MUCL1: variants seen among roughly 807,000 people sequenced by gnomAD.
MUCL1 encodes mucin-like protein 1.
MUCL1 carries 11 observed loss-of-function variants against 9.2 expected under a neutral mutation model. The ratio of observed to expected loss-of-function variants is 1.19; its 90% CI spans 0.75 to 1.97. The LOEUF (loss-of-function observed/expected upper bound fraction) is 1.97, where lower values mean the gene tolerates loss of function less well. MUCL1 is among the 30% of genes most tolerant of loss of function. The pLI, the probability that MUCL1 is intolerant of heterozygous loss-of-function variation, is 0.00. For missense variants in MUCL1, 144 were observed against 110.9 expected, an observed-to-expected ratio of 1.30 and a Z score of -1.34; for synonymous variants, 48 against 40.5, an observed-to-expected ratio of 1.19 and a Z score of -0.71.
At chr12:54,848,484 A>G (rs139672407) in intron 1 of MUCL1, among the ~76,000 whole-genome samples, 3 of 152,334 alleles carry the variant, frequency 2.0e-5, no homozygotes, top group Non-Finnish European at 4.4e-5. Context: ...CTTAATTTAA[A>G]AGCTCTAATC....
chr12:54,834,884 T>C (rs555910521), upstream of MUCL1, among the ~76,000 whole-genome samples: 2 of 152,234 alleles, frequency 1.3e-5, no homozygotes, highest in East Asian at 3.9e-4. Flanking sequence ...TAGGTTTTTA[T>C]TCCTCACCTT....
At chr12:54,853,329 T>C (rs190834087), upstream of MUCL1, among the ~76,000 whole-genome samples, 1 of 152,160 alleles carries the variant, frequency 6.6e-6, no homozygotes, top group East Asian at 1.9e-4. Context: ...GTGCTGTAAA[T>C]GTGGATTGTT....
upstream of MUCL1, among the ~76,000 whole-genome samples, chr12:54,839,093 T>G (rs1475584146): frequency 6.6e-6 from 1 of 152,186 alleles, no homozygotes; most frequent in East Asian, 1.9e-4. Flanking sequence ...AATTTTAGTA[T>G]GTTTTCTTAA....
At chr12:54,853,128 A>T (rs1347109832), upstream of MUCL1, among the ~76,000 whole-genome samples, 1 of 152,172 alleles carries the variant, frequency 6.6e-6, no homozygotes, top group Admixed American at 6.6e-5. Context: ...GGAGAAATAG[A>T]TGTTCAGTGC....
intron 3 of MUCL1, among the ~76,000 whole-genome samples, chr12:54,857,697 T>C (rs1868311286): frequency 6.6e-6 from 1 of 151,894 alleles, no homozygotes; most frequent in South Asian, 2.1e-4. Flanking sequence ...CTCAAACAAA[T>C]GGAGAGTTAC....
At chr12:54,850,601 A>C (rs1006282143), upstream of MUCL1, among the ~76,000 whole-genome samples, 2 of 152,106 alleles carry the variant, frequency 1.3e-5, no homozygotes, top group Admixed American at 1.3e-4. Context: ...GCTATTGTGA[A>C]TAGTGCTGCA....
chr12:54,837,996 C>A (rs1959196026), upstream of MUCL1, among the ~76,000 whole-genome samples: 1 of 152,122 alleles, frequency 6.6e-6, no homozygotes, highest in Non-Finnish European at 1.5e-5. Flanking sequence ...TGATACTTTG[C>A]TATCTTCATT....
upstream of MUCL1, chr12:54,839,345 A>G: frequency 2.9e-6 from 2 of 700,556 alleles, no homozygotes; most frequent in South Asian, 1.5e-5. Context: ...TTATTTATTT[A>G]TTAATTTTCT....
chr12:54,831,160 T>G (rs938345075), intron 1 of MUCL1, among the ~76,000 whole-genome samples: 1 of 152,206 alleles, frequency 6.6e-6, no homozygotes, highest in Non-Finnish European at 1.5e-5. Flanking sequence ...TGTATATTTC[T>G]GTATGTGTAT....
chr12:54,837,149 C>G (rs1959194059), upstream of MUCL1, among the ~76,000 whole-genome samples: 1 of 151,900 alleles, frequency 6.6e-6, no homozygotes, highest in African/African-American at 2.4e-5. Context: ...CTTTCTGCCT[C>G]AATGGTCTAT....
At chr12:54,855,033 G>C in intron 1 of MUCL1, 83 bp from the exon 2 acceptor site, 1 of 1,193,764 alleles carries the variant, frequency 8.4e-7, no homozygotes, top group African/African-American at 1.5e-5. Flanking sequence ...GTAAAGTCTG[G>C]AATATTGTCC....
chr12:54,837,854 T>G (rs1565774493), upstream of MUCL1, among the ~76,000 whole-genome samples: 1 of 152,248 alleles, frequency 6.6e-6, no homozygotes. Context: ...GGTTTGTGAT[T>G]TTTTAATACG....
At chr12:54,835,223 G>T (rs372488381), upstream of MUCL1, among the ~76,000 whole-genome samples, 3 of 152,018 alleles carry the variant, frequency 2.0e-5, no homozygotes, top group African/African-American at 7.2e-5. Flanking sequence ...ACATATACAC[G>T]TATGTGTCTT....
upstream of MUCL1, among the ~76,000 whole-genome samples, chr12:54,852,051 G>A (rs866335689): frequency 6.6e-6 from 1 of 152,280 alleles, no homozygotes; most frequent in African/African-American, 2.4e-5. Context: ...TGGGTTGGAA[G>A]AATCAATATT....
chr12:54,856,916 T>G, intron 3 of MUCL1, 24 bp downstream of exon 3: 1 of 1,613,426 alleles, frequency 6.2e-7, no homozygotes, highest in Non-Finnish European at 8.5e-7. Flanking sequence ...TCCATCTGTG[T>G]GCTTCCTTTA....
chr12:54,849,926 CT>C (rs1959311732), upstream of MUCL1, among the ~76,000 whole-genome samples: 1 of 152,190 alleles, frequency 6.6e-6, no homozygotes, highest in African/African-American at 2.4e-5. Context: ...CCCCTACACC[CT>C]GAGCCTTCAT....
chr12:54,839,439 C>A lies in MUCL1; in HGVS notation c.35C>A (p.Thr12Asn), dbSNP rs148056735. 657 of 702,024 alleles carry A rather than the reference C, an allele frequency of 9.4e-4. 5 individuals are homozygous for A. The African/African-American group carries it at 0.011, about 11-fold the overall frequency. 43.5% of individuals were successfully genotyped at this position (702,024 alleles called of 1,614,324 possible). ...GACCATGGGTATCAACTGGCAGTGA[C>A]TAAAGCAGGTGGGTAAATGCGACAT... Residue 12 changes from threonine to asparagine, a missense_variant, in exon 1 of 4, where the codon ACT becomes AAT. Physicochemically the swap from Thr to Asn is moderately conservative, Grantham distance 65. Transcript: ENST00000546809.
intron 1 of MUCL1, among the ~76,000 whole-genome samples, chr12:54,843,732 G>A (rs1454026464): frequency 1.3e-5 from 2 of 152,180 alleles, no homozygotes; most frequent in Non-Finnish European, 2.9e-5. Flanking sequence ...TCCAGAAACT[G>A]TAGAAGGAAA....
chr12:54,835,743 T>G (rs945679887), upstream of MUCL1, among the ~76,000 whole-genome samples: 2 of 152,080 alleles, frequency 1.3e-5, no homozygotes, highest in Non-Finnish European at 2.9e-5. Context: ...TATTTTGAAG[T>G]ATGTTCTTTC....
Sources: allele counts gnomAD v4.1 joint callset (sites outside exome capture counted in the v4.1 genomes callset), GRCh38; gene constraint gnomAD v4.1.1; transcripts MANE v1.5; gene names NCBI Gene and HGNC (gene_info 2026-07-23, HGNC 2026-07-21).